Variants in YME1L1 observed in about 807,000 individuals in gnomAD.
YME1L1 encodes the protein ATP-dependent zinc metalloprotease YME1L1.
YME1L1 carries 39 observed loss-of-function variants against 90.4 expected under a neutral mutation model. The observed-to-expected ratio is 0.43, with a 90% CI of 0.33 to 0.56. YME1L1 has a LOEUF of 0.56. Among genes scored for constraint, YME1L1 ranks in the 20% least tolerant of loss-of-function variants. The pLI, the probability that YME1L1 is intolerant of heterozygous loss-of-function variation, is 0.03. For missense variants in YME1L1, 617 were observed against 868.4 expected, an observed-to-expected ratio of 0.71 and a Z score of 3.64; for synonymous variants, 284 against 287.3, an observed-to-expected ratio of 0.99 and a Z score of 0.12.
At chr10:27,120,876 G>A (rs2056860346) in intron 12 of YME1L1, among the ~76,000 whole-genome samples, 1 of 152,162 alleles carries the variant, frequency 6.6e-6, no homozygotes, top group African/African-American at 2.4e-5. Context: ...CAACTGCTAA[G>A]TACAGAATGT....
At chr10:27,114,634 G>C (rs1218185776) in intron 17 of YME1L1, 27 bp from the exon 18 acceptor site, 1 of 1,579,914 alleles carries the variant, frequency 6.3e-7, no homozygotes. Flanking sequence ...GAAAGTAATT[G>C]AACAGAAAAC....
At chr10:27,132,429 G>A (rs1215357327) in intron 7 of YME1L1, among the ~76,000 whole-genome samples, 1 of 152,112 alleles carries the variant, frequency 6.6e-6, no homozygotes, top group Non-Finnish European at 1.5e-5. Flanking sequence ...CATCTTCAAA[G>A]AGTAAGTGAT....
intron 8 of YME1L1, among the ~76,000 whole-genome samples, chr10:27,129,782 T>C (rs1564461131): frequency 6.6e-6 from 1 of 151,566 alleles, no homozygotes; most frequent in Non-Finnish European, 1.5e-5. Context: ...GATCCAAAAT[T>C]TCAAGTGAGC....
chr10:27,145,572 C>T lies in YME1L1; in HGVS notation c.187G>A (p.Asp63Asn). The T allele has an allele frequency of 6.2e-7, 1 of 1,612,612 alleles. No homozygotes were observed. Among genetic ancestry groups the T allele is most frequent in the Non-Finnish European group, 8.5e-7 (1 of 1,179,192 alleles). The change falls in exon 3 of 19, where the codon GAC (aspartate) becomes AAC (asparagine). Residue 63 changes from aspartate (D) to asparagine (N), a missense_variant. This residue lies in a region of YME1L1 where 311 missense variants were observed against 335.8 expected (regional missense o/e 0.93). Transcript: ENST00000376016. The part of the protein sequence containing the change: ...PSSEPSLNLR[D>N]LGLSELKIGQ... ...ATTTTTAGTTCAGATAATCCAAGGT[C>T]CCTTAAGTTAAGTGAAGGCTGTAAA...
intron 6 of YME1L1, 76 bp downstream of exon 6, chr10:27,134,755 C>T: frequency 3.3e-6 from 5 of 1,493,080 alleles, no homozygotes; most frequent in Non-Finnish European, 4.6e-6. Flanking sequence ...AGAAAAGTTA[C>T]TTAAAACTTA....
At position 27,122,903 on chromosome 10, in the gene YME1L1, A is replaced by G. The variant is rs764257507; in HGVS notation, c.1173T>C (p.Ile391=). 1 of 1,613,602 alleles carries G rather than the reference A, an allele frequency of 6.2e-7. No homozygotes were observed. Among genetic ancestry groups the G allele is most frequent in the South Asian group, 1.1e-5 (1 of 91,072 alleles). The part of the protein sequence containing the change: ...DELDSVGGKR[I]ESPMHPYSRQ... ...TTGAATATGGATGCATTGGAGATTC[A>G]ATTCTCTTCCCACCAACAGAATCTA... Residue 391 remains isoleucine (I), a synonymous_variant, in exon 11 of 19, where the codon ATT becomes ATC. Transcript: ENST00000376016.
intron 11 of YME1L1, 93 bp from the exon 12 acceptor site, chr10:27,121,541 T>C (rs970469505): frequency 9.9e-6 from 9 of 910,062 alleles, no homozygotes; most frequent in Admixed American, 7.2e-5. Context: ...TTTTCTTTTT[T>C]TGAGACTAGG....
chr10:27,132,699 G>C (rs2056989376), intron 7 of YME1L1, among the ~76,000 whole-genome samples: 2 of 151,710 alleles, frequency 1.3e-5, no homozygotes, highest in South Asian at 4.2e-4. Flanking sequence ...CAAGCCTGTA[G>C]TCCCAGCTAC....
In YME1L1 at chr10:27,148,996, T is replaced by C. The variant is rs751793906; in HGVS notation, c.78A>G (p.Pro26=). 4 of 1,614,034 alleles carry C rather than the reference T, an allele frequency of 2.5e-6. No homozygotes were observed. In the South Asian group the frequency reaches 4.4e-5, roughly 18 times the overall value. ...LSHLINAFHT[P]KNTSVSLSGV... ...CACTGAGAGAAACAGAAGTGTTTTT[T>C]GGTGTATGGAAGGCATTGATGAGAT... is the stretch of plus-strand genomic sequence containing the variant. Residue 26 remains proline, a synonymous_variant, in exon 2 of 19, where the codon CCA becomes CCG. Coordinates refer to ENST00000376016, the MANE Select transcript of YME1L1 (RefSeq NM_014263.4).
At chr10:27,125,639 C>CTTTT (rs1320642587) in intron 9 of YME1L1, among the ~76,000 whole-genome samples, 2 of 125,692 alleles carry the variant, frequency 1.6e-5, no homozygotes, top group African/African-American at 3.2e-5. Flanking sequence ...GTTAAATGTC[C>CTTTT]TATTTTTTTT....
At chr10:27,126,193 AG>A (rs1346105433) in intron 9 of YME1L1, among the ~76,000 whole-genome samples, 5 of 152,174 alleles carry the variant, frequency 3.3e-5, no homozygotes, top group Non-Finnish European at 7.4e-5. Flanking sequence ...CTGCAGTCCT[AG>A]TACTTTAGGA....
At chr10:27,150,767 TAATCACA>T (rs2057203520) in intron 1 of YME1L1, among the ~76,000 whole-genome samples, 1 of 152,180 alleles carries the variant, frequency 6.6e-6, no homozygotes, top group Non-Finnish European at 1.5e-5. Flanking sequence ...AACTTATGAA[TAATCACA>T]CATTGTTTAG....
chr10:27,134,267 GA>G, intron 6 of YME1L1, 145 bp from the exon 7 acceptor site: 1 of 697,262 alleles, frequency 1.4e-6, no homozygotes, highest in South Asian at 2.0e-5. Context: ...CAACTGCTAT[GA>G]TTTCCTGTAA....
intron 2 of YME1L1, chr10:27,146,389 T>C (rs577829257): frequency 6.6e-6 from 1 of 152,296 alleles, no homozygotes; most frequent in South Asian, 2.1e-4. Flanking sequence ...AATGTGTGTA[T>C]ACCCACTTTT....
At chr10:27,136,888 G>A (rs2057033848) in intron 4 of YME1L1, among the ~76,000 whole-genome samples, 1 of 152,014 alleles carries the variant, frequency 6.6e-6, no homozygotes, top group Non-Finnish European at 1.5e-5. Flanking sequence ...CTCCCACAGT[G>A]CTGGGATTAT....
chr10:27,143,844 T>C (rs977274971), intron 3 of YME1L1, among the ~76,000 whole-genome samples: 1 of 152,170 alleles, frequency 6.6e-6, no homozygotes, highest in South Asian at 2.1e-4. Flanking sequence ...TAGCTACTAT[T>C]ATCTTTCCCT....
chr10:27,120,759 C>T (rs1206278547), intron 12 of YME1L1, among the ~76,000 whole-genome samples: 3 of 152,132 alleles, frequency 2.0e-5, no homozygotes, highest in Non-Finnish European at 2.9e-5. Flanking sequence ...TTTAGATACA[C>T]GTGTGTACCT....
At chr10:27,124,366 T>C (rs1342754538) in intron 9 of YME1L1, among the ~76,000 whole-genome samples, 2 of 152,226 alleles carry the variant, frequency 1.3e-5, no homozygotes, top group Non-Finnish European at 2.9e-5. Flanking sequence ...TTAATTGTAC[T>C]GTTCTTTCAA....
rs144006044 is a variant in YME1L1, at chr10:27,140,194, G to A, written c.430+2193C>T. Among the ~76,000 whole-genome samples the A allele has an allele frequency of 2.1e-3, 326 of 152,014 alleles. 1 individual carries two copies. The highest frequency in any genetic ancestry group is 7.4e-3 in the African/African-American group (309 of 41,482). Reference sequence around the variant, plus strand: ...TTGTATTTCTTTTTTAGTGGAGAACGGGGTTTTACCATGTTGGCCATGCTG... The same window carrying A: ...TTGTATTTCTTTTTTAGTGGAGAACAGGGTTTTACCATGTTGGCCATGCTG... On this transcript the variant is annotated intron_variant, in intron 4 of 18. Transcript: ENST00000376016.
Sources: allele counts gnomAD v4.1 joint callset (sites outside exome capture counted in the v4.1 genomes callset), GRCh38; gene constraint gnomAD v4.1.1; regional missense constraint gnomAD v4.1.1; transcripts MANE v1.5; gene names NCBI Gene and HGNC (gene_info 2026-07-23, HGNC 2026-07-21).